BMP5: variants seen among roughly 807,000 people sequenced by gnomAD.
BMP5 encodes the protein bone morphogenetic protein 5.
BMP5 carries 23 observed loss-of-function variants against 46.6 expected under a neutral mutation model. That is an observed-to-expected ratio of 0.49 (90% CI 0.35 to 0.70). The LOEUF is 0.70. BMP5 is among the 30% of genes least tolerant of loss of function. The pLI, the probability that BMP5 is intolerant of heterozygous loss-of-function variation, is 0.00. For synonymous variants in BMP5, 204 were observed against 191.9 expected (o/e 1.06, Z -0.52); for missense variants, 545 against 565.6 (o/e 0.96, Z 0.37).
chr6:55,767,738 G>T (rs1023105810), intron 4 of BMP5, among the ~76,000 whole-genome samples: 1 of 151,956 alleles, frequency 6.6e-6, no homozygotes, highest in Non-Finnish European at 1.5e-5. Context: ...CACTTGTGCA[G>T]CATTGCAGGA....
intron 2 of BMP5, among the ~76,000 whole-genome samples, chr6:55,797,193 C>G (rs1302920889): frequency 2.2e-4 from 34 of 152,112 alleles, no homozygotes. Context: ...CCCCCCAACC[C>G]CATTCTGTAG....
At chr6:55,809,623 A>G (rs1479914235) in intron 2 of BMP5, among the ~76,000 whole-genome samples, 1 of 152,030 alleles carries the variant, frequency 6.6e-6, no homozygotes, top group African/African-American at 2.4e-5. Context: ...TTATATACAT[A>G]TATATATGGA....
chr6:55,755,987 C>A (rs1232119132), intron 6 of BMP5, among the ~76,000 whole-genome samples: 1 of 151,884 alleles, frequency 6.6e-6, no homozygotes, highest in African/African-American at 2.4e-5. Flanking sequence ...CAGCAACTAG[C>A]ACGTTGTTGC....
At chr6:55,834,725 A>C (rs1776748542) in intron 1 of BMP5, among the ~76,000 whole-genome samples, 1 of 152,184 alleles carries the variant, frequency 6.6e-6, no homozygotes, top group South Asian at 2.1e-4. Flanking sequence ...AAATAAAATA[A>C]CATGTTTAAA....
intron 4 of BMP5, among the ~76,000 whole-genome samples, chr6:55,766,082 A>G (rs930188266): frequency 1.3e-5 from 2 of 152,106 alleles, no homozygotes; most frequent in Admixed American, 1.3e-4. Context: ...CTCTGATCCT[A>G]TATTAAATGG....
intron 1 of BMP5, among the ~76,000 whole-genome samples, chr6:55,832,820 T>C (rs1430952621): frequency 6.6e-6 from 1 of 152,016 alleles, no homozygotes; most frequent in Non-Finnish European, 1.5e-5. Context: ...CATTTAAAAA[T>C]AAGTCATAGT....
intron 1 of BMP5, among the ~76,000 whole-genome samples, chr6:55,847,503 G>A (rs2127548088): frequency 6.6e-6 from 1 of 151,950 alleles, no homozygotes; most frequent in Admixed American, 6.6e-5. Context: ...TGATACAATT[G>A]CATTACCGTT....
intron 5 of BMP5, 35 bp from the exon 6 acceptor site, chr6:55,759,150 A>AAAAAAAAAAAAAAAAAAAAAAAAAAAAAC (rs1774694129): frequency 2.6e-6 from 1 of 380,054 alleles, no homozygotes; most frequent in Non-Finnish European, 4.3e-6. Flanking sequence ...CACACAAAAA[A>AAAAAAAAAAAAAAAAAAAAAAAAAAAAAC]AAAAAAAAAA....
chr6:55,792,979 G>A (rs1273111681), intron 3 of BMP5, among the ~76,000 whole-genome samples: 1 of 152,042 alleles, frequency 6.6e-6, no homozygotes, highest in Admixed American at 6.6e-5. Context: ...TTAGGGTAGA[G>A]AATAACAGCA....
chr6:55,783,594 T>A (rs1171208503), intron 3 of BMP5, among the ~76,000 whole-genome samples: 2 of 151,918 alleles, frequency 1.3e-5, no homozygotes, highest in African/African-American at 4.8e-5. Flanking sequence ...CAACAATAAG[T>A]TAAACTTAAG....
intron 2 of BMP5, among the ~76,000 whole-genome samples, chr6:55,817,063 C>G (rs949239389): frequency 6.6e-6 from 1 of 152,074 alleles, no homozygotes; most frequent in Non-Finnish European, 1.5e-5. Context: ...CCATCTCACA[C>G]CAGTTAGAAT....
chr6:55,801,089 A>G (rs184545386), intron 2 of BMP5, among the ~76,000 whole-genome samples: 23 of 152,256 alleles, frequency 1.5e-4, no homozygotes, highest in Admixed American at 1.4e-3. Flanking sequence ...AATTTAACGT[A>G]TTTTCACACT....
intron 2 of BMP5, among the ~76,000 whole-genome samples, chr6:55,803,188 C>T (rs973467077): frequency 2.0e-5 from 3 of 151,434 alleles, no homozygotes; most frequent in South Asian, 2.1e-4. Context: ...CCCAGCTACT[C>T]GGGAGGCTGA....
chr6:55,776,990 C>G (rs967171467), intron 3 of BMP5, among the ~76,000 whole-genome samples: 1 of 152,028 alleles, frequency 6.6e-6, no homozygotes, highest in East Asian at 1.9e-4. Context: ...AAAGTACCCT[C>G]CAAACCAATG....
intron 2 of BMP5, among the ~76,000 whole-genome samples, chr6:55,811,861 T>C (rs533588556): frequency 1.3e-5 from 2 of 152,338 alleles, no homozygotes; most frequent in African/African-American, 2.4e-5. Flanking sequence ...TTCATTTCTA[T>C]TTCCACAACA....
At chr6:55,775,999 T>G (rs940505853) in intron 3 of BMP5, among the ~76,000 whole-genome samples, 6 of 151,718 alleles carry the variant, frequency 4.0e-5, no homozygotes, top group African/African-American at 1.5e-4. Context: ...GGAAAAGTTG[T>G]CCAATTCCTA....
At chr6:55,837,848 A>G (rs1230513267) in intron 1 of BMP5, among the ~76,000 whole-genome samples, 4 of 151,974 alleles carry the variant, frequency 2.6e-5, no homozygotes, top group South Asian at 2.1e-4. Context: ...TCTTTCTACT[A>G]TCTATGTCCG....
At chr6:55,817,506 A>T (rs1431217858) in intron 2 of BMP5, among the ~76,000 whole-genome samples, 1 of 152,128 alleles carries the variant, frequency 6.6e-6, no homozygotes, top group African/African-American at 2.4e-5. Context: ...AAGGACAAAA[A>T]ACCAAACACC....
intron 1 of BMP5, among the ~76,000 whole-genome samples, chr6:55,824,981 T>C (rs1049891804): frequency 6.6e-6 from 1 of 151,950 alleles, no homozygotes; most frequent in African/African-American, 2.4e-5. Flanking sequence ...ATACACTTTA[T>C]GGATGGAGGT....
Sources: gnomAD v4.1 joint callset for allele counts (sites outside exome capture counted in the v4.1 genomes callset) on GRCh38, gnomAD v4.1.1 for gene constraint, MANE v1.5 for transcripts, NCBI Gene and HGNC (gene_info 2026-07-23, HGNC 2026-07-21) for gene names.